The following IQCN variants were observed in gnomAD, a reference collection of about 807,000 sequenced individuals.
IQCN encodes the protein IQ domain-containing protein N.
IQCN carries 46 observed loss-of-function variants against 64.4 expected under a neutral mutation model. That is an observed-to-expected ratio of 0.71 (90% CI 0.56 to 0.91). IQCN has a LOEUF of 0.91. IQCN is among the 40% of genes least tolerant of loss of function. The pLI, the probability that IQCN is intolerant of heterozygous loss-of-function variation, is 0.00. For missense variants in IQCN, 1,753 were observed against 1,857.4 expected (o/e 0.94, Z 1.03); for synonymous variants, 733 against 775.6 (o/e 0.95, Z 0.91).
chr19:18,260,285 A>G (rs1351547565), intron 3 of IQCN: 1 of 152,614 alleles, frequency 6.6e-6, no homozygotes, highest in East Asian at 1.9e-4. Flanking sequence ...TCACCCCAGT[A>G]CCCAGGGATG....
chr19:18,272,924 CTTTAAA>C (rs1969771579), intron 1 of IQCN, among the ~76,000 whole-genome samples: 1 of 151,486 alleles, frequency 6.6e-6, no homozygotes, highest in Non-Finnish European at 1.5e-5. Flanking sequence ...ATTGTGCTCA[CTTTAAA>C]CAAGACATAA....
intron 1 of IQCN, among the ~76,000 whole-genome samples, chr19:18,270,359 CAA>C (rs199590561): frequency 1.2e-4 from 15 of 121,522 alleles, no homozygotes; most frequent in East Asian, 4.6e-4. Flanking sequence ...AAAACTGTCT[CAA>C]AAAAAAAAAA....
At chr19:18,268,730 G>A (rs1235102728) in intron 2 of IQCN, among the ~76,000 whole-genome samples, 2 of 151,848 alleles carry the variant, frequency 1.3e-5, no homozygotes, top group Non-Finnish European at 2.9e-5. Context: ...TTGGGAGGCC[G>A]AGGTGAGCGG....
At position 18,266,310 on chromosome 19, in the gene IQCN, G is replaced by A. The variant is rs1346451744; in HGVS notation, c.1230C>T (p.Ser410=). The part of the protein sequence containing the change: ...MTKIQVHPTA[S]RTGTPRQTCP... ...ATGTCTGCCGTGGGGTGCCAGTTCT[G>A]GAGGCTGTGGGGTGTACCTGGATCT... is the stretch of plus-strand genomic sequence containing the variant. Residue 410 remains serine, a synonymous_variant, in exon 3 of 4, where the codon TCC becomes TCT. Coordinates refer to ENST00000392413, the MANE Select transcript of IQCN (RefSeq NM_001145304.2). This position sits in a 1 kb window ranked among gnomAD's most constrained non-coding sequence, Gnocchi z 4.3. The A allele has an allele frequency of 6.2e-7, 1 of 1,613,558 alleles. No individual in the cohort carries two copies. The highest frequency in any genetic ancestry group is 2.2e-5 in the East Asian group (1 of 44,852).
chr19:18,262,184 G>A (rs8105503), intron 3 of IQCN: 40,199 of 152,512 alleles, frequency 0.26, 5,303 homozygotes, highest in Admixed American at 0.34. Context: ...GCTGATATGA[G>A]TAGGCTGCAC....
chr19:18,269,735 A>T, intron 1 of IQCN, 148 bp from the exon 2 acceptor site: 1 of 499,444 alleles, frequency 2.0e-6, no homozygotes, highest in Non-Finnish European at 3.6e-6. Context: ...GTAGCTAGAA[A>T]TCAAACAAAA....
At chr19:18,269,706 T>G in intron 1 of IQCN, 119 bp from the exon 2 acceptor site, 1 of 505,846 alleles carries the variant, frequency 2.0e-6, no homozygotes, top group Non-Finnish European at 3.5e-6. Context: ...GATGAGGAAA[T>G]TTATTCCAGT....
intron 3 of IQCN, chr19:18,258,902 C>A (rs1318813159): frequency 2.9e-5 from 5 of 172,118 alleles, no homozygotes; most frequent in Non-Finnish European, 6.4e-5. Context: ...GGGAAGAGAC[C>A]CTTTCTCAGA....
At chr19:18,274,107 A>T (rs373385993) in intron 1 of IQCN, among the ~76,000 whole-genome samples, 1 of 152,140 alleles carries the variant, frequency 6.6e-6, no homozygotes, top group Non-Finnish European at 1.5e-5. Flanking sequence ...TTATTTAAAA[A>T]AATAATAATA....
chr19:18,266,166 G>A lies in IQCN; in HGVS notation c.1374C>T (p.His458=), dbSNP rs754979092. The part of the protein sequence containing the change: ...PAMAKTPPQM[H]PVTTPAKNPL... ...GGTTTTTGGCTGGGGTGGTGACCGG[G>A]TGCATCTGGGGTGGGGTCTTTGCCA... is the stretch of plus-strand genomic sequence containing the variant. The change falls in exon 3 of 4, where the codon CAC becomes CAT. Residue 458 remains histidine (H), a synonymous_variant. Coordinates refer to ENST00000392413, the MANE Select transcript of IQCN (RefSeq NM_001145304.2). This position sits in a 1 kb window ranked among gnomAD's most constrained non-coding sequence, Gnocchi z 4.3. 1 of 1,614,176 alleles carries A rather than the reference G, an allele frequency of 6.2e-7. No homozygotes were observed. The highest frequency in any genetic ancestry group is 8.5e-7 in the Non-Finnish European group (1 of 1,180,036).
chr19:18,270,097 C>G (rs1308258276), intron 1 of IQCN, among the ~76,000 whole-genome samples: 1 of 147,422 alleles, frequency 6.8e-6, no homozygotes, highest in African/African-American at 2.6e-5. Flanking sequence ...GCGTGGCTCA[C>G]GCCTGTAATT....
chr19:18,257,679 G>A lies in IQCN; in HGVS notation c.3605C>T (p.Ser1202Phe), dbSNP rs755435471. ...VELGSRAGVMSDRSWFQDGRA... is the reference protein window; with the variant it reads ...VELGSRAGVMFDRSWFQDGRA... ...GCCATCCTGGAACCAGCTTCGGTCA[G>A]ACATGACCCCGGCCCGGCTGCCCAG... is the stretch of plus-strand genomic sequence containing the variant. The change falls in exon 4 of 4, where the codon TCT becomes TTT. Residue 1202 changes from serine to phenylalanine, a missense_variant. Physicochemically the swap from Ser to Phe is radical, Grantham distance 155 (BLOSUM62 -2). Transcript: ENST00000392413. The A allele has an allele frequency of 3.2e-5, 51 of 1,606,656 alleles. 1 individual carries two copies. In the South Asian group the frequency reaches 5.4e-4, roughly 17 times the overall value.
rs754453473 is a variant in IQCN, at chr19:18,258,270, A to T, written c.3178-164T>A. On this transcript the variant is annotated intron_variant, in intron 3 of 3. Coordinates refer to ENST00000392413, the MANE Select transcript of IQCN (RefSeq NM_001145304.2). ...AGACACCCTCCGAACTCCCGGGGCC[A>T]GCGGAGGAATGACCGAGGAGTGTGT... 3.9e-5 allele frequency: 30 copies of T among 777,988 alleles called. No individual in the cohort carries two copies. In the Admixed American group the frequency reaches 6.0e-4, roughly 16 times the overall value. The allele number at this position is 777,988 out of a possible 1,614,324, so 48.2% of individuals were successfully genotyped here. A position where few individuals can be genotyped will look rare whatever the true frequency, so the allele number is the denominator to read the frequency against.
rs927163313 is a variant in IQCN at position 18,264,532 on chromosome 19, G to A, written c.3008C>T (p.Ser1003Phe). The change falls in exon 3 of 4, where the codon TCT becomes TTT. Residue 1003 changes from serine (S) to phenylalanine (F), a missense_variant. Physicochemically the swap from Ser to Phe is radical, Grantham distance 155. Coordinates refer to ENST00000392413, the MANE Select transcript of IQCN (RefSeq NM_001145304.2). This position sits in a 1 kb window ranked among gnomAD's most constrained non-coding sequence, Gnocchi z 4.3. ...QGELGALLSQ[S>F]WCRVALRTGT... ...AGTCCTCAGGGCCACCCGACACCAAGACTGGCTCAGGAGAGCACCCAGCTC... is the reference window on the plus strand; with the variant it reads ...AGTCCTCAGGGCCACCCGACACCAAAACTGGCTCAGGAGAGCACCCAGCTC... The A allele has an allele frequency of 4.3e-5, 66 of 1,551,312 alleles. No individual in the cohort carries two copies. Among genetic ancestry groups the A allele is most frequent in the Non-Finnish European group, 5.7e-5 (65 of 1,146,960 alleles).
chr19:18,265,151 C>T lies in IQCN; in HGVS notation c.2389G>A (p.Ala797Thr). The part of the protein sequence containing the change: ...RLGGLSAPPW[A>T]KPEDRQTQPQ... ...TGGGTCTGTCTGTCCTCTGGCTTGGCCCAGGGTGGGGCGCTGAGGCCACCG... is the reference window on the plus strand; with the variant it reads ...TGGGTCTGTCTGTCCTCTGGCTTGGTCCAGGGTGGGGCGCTGAGGCCACCG... Residue 797 changes from alanine (A) to threonine (T), a missense_variant, in exon 3 of 4, where the codon GCC becomes ACC. Ala to Thr is a moderately conservative substitution (Grantham distance 58). Transcript: ENST00000392413. This position sits in a 1 kb window ranked among gnomAD's most constrained non-coding sequence, Gnocchi z 4.7. 6.2e-7 allele frequency: 1 copy of T among 1,607,214 alleles called. No homozygotes were observed.
At position 18,265,105 on chromosome 19, in the gene IQCN, A is replaced by G. The variant is rs1419540563; in HGVS notation, c.2435T>C (p.Val812Ala). ...TCCCCCCTGAGTGGTCTTCCCCGGC[A>G]CGTGTCCGTGGGGCTGTGGCTGGGT... ...RQTQPQPHGH[V>A]PGKTTQGGPC... is the part of the protein sequence containing the mutation. The change falls in exon 3 of 4, where the codon GTG becomes GCG. Residue 812 changes from valine (V) to alanine (A), a missense_variant. Transcript: ENST00000392413. This position sits in a 1 kb window ranked among gnomAD's most constrained non-coding sequence, Gnocchi z 4.7. 2 of 1,603,186 alleles carry G rather than the reference A, an allele frequency of 1.2e-6. No individual in the cohort carries two copies. Among genetic ancestry groups the G allele is most frequent in the Non-Finnish European group, 1.7e-6 (2 of 1,179,728 alleles).
rs751235149 is a variant in IQCN at position 18,267,312 on chromosome 19, G to A, written c.228C>T (p.Ser76=). The change falls in exon 3 of 4, where the codon TCC becomes TCT. Residue 76 remains serine (S), a synonymous_variant. Transcript: ENST00000392413. ...CAGCCCGGAGGCGTGGGACGCGGCG[G>A]GACGCCGTCTTGCCTTCGGCAGGCT... The part of the protein sequence containing the change: ...PQQPAEGKTA[S]RRVPRLRAVV... The A allele has an allele frequency of 1.9e-6, 3 of 1,614,124 alleles. No homozygotes were observed. The highest frequency in any genetic ancestry group is 1.1e-5 in the South Asian group (1 of 91,092).
chr19:18,273,229 G>A (rs12461261), intron 1 of IQCN, among the ~76,000 whole-genome samples: 46,533 of 151,282 alleles, frequency 0.31, 8,003 homozygotes, highest in East Asian at 0.44. Flanking sequence ...TTGGGGTTTC[G>A]CCATGTTGGC....
At chr19:18,270,637 C>T (rs953200330) in intron 1 of IQCN, among the ~76,000 whole-genome samples, 7 of 151,902 alleles carry the variant, frequency 4.6e-5, no homozygotes, top group African/African-American at 9.7e-5. Context: ...CGAGCCTGAG[C>T]GACAGAATGA....
Sources: allele counts gnomAD v4.1 joint callset (sites outside exome capture counted in the v4.1 genomes callset), GRCh38; gene constraint gnomAD v4.1.1; non-coding constraint Gnocchi (gnomAD v3.1); transcripts MANE v1.5; gene names NCBI Gene and HGNC (gene_info 2026-07-23, HGNC 2026-07-21).